The following SLC45A4 variants were observed in gnomAD, a reference collection of about 807,000 sequenced individuals.
SLC45A4 encodes the protein solute carrier family 45 member 4.
In SLC45A4, 32 loss-of-function variants were observed where a neutral mutation model predicts 63.7. The ratio of observed to expected loss-of-function variants is 0.50; its 90% CI spans 0.38 to 0.67. SLC45A4 has a LOEUF of 0.67. Ranked by LOEUF, SLC45A4 falls within the 30% of genes least tolerant of loss-of-function variation. The pLI is 0.00. For missense variants in SLC45A4, 1,027 were observed against 1,157.7 expected, an observed-to-expected ratio of 0.89 and a Z score of 1.64; for synonymous variants, 535 against 510.0, an observed-to-expected ratio of 1.05 and a Z score of -0.66.
At chr8:141,270,244 A>G (rs1228027667) in intron 1 of SLC45A4, among the ~76,000 whole-genome samples, 1 of 151,990 alleles carries the variant, frequency 6.6e-6, no homozygotes, top group African/African-American at 2.4e-5. Context: ...CAATAAAGAA[A>G]ACCAGGGGGC....
At chr8:141,249,506 G>T (rs73364495) in intron 2 of SLC45A4, among the ~76,000 whole-genome samples, 9,357 of 152,198 alleles carry the variant, frequency 0.061, 972 homozygotes, top group African/African-American at 0.21. Flanking sequence ...ATCAATTCCC[G>T]AACAGGCAGC....
At chr8:141,285,659 C>T (rs576589567) in intron 1 of SLC45A4, among the ~76,000 whole-genome samples, 12 of 152,334 alleles carry the variant, frequency 7.9e-5, no homozygotes, top group Admixed American at 6.5e-4. Context: ...GTTAGGGAAG[C>T]GCCGCCCTGG....
chr8:141,239,493 T>G (rs900030400), intron 2 of SLC45A4, among the ~76,000 whole-genome samples: 2 of 151,976 alleles, frequency 1.3e-5, no homozygotes, highest in African/African-American at 4.8e-5. Context: ...GTTAGATACA[T>G]CCTGCAGAAG....
chr8:141,270,082 G>T (rs893391056), intron 1 of SLC45A4, among the ~76,000 whole-genome samples: 14 of 152,186 alleles, frequency 9.2e-5, no homozygotes, highest in Non-Finnish European at 1.0e-4. Context: ...TGCAGACCTT[G>T]CCTCCTGCCC....
At chr8:141,264,104 G>A (rs1829160889) in intron 1 of SLC45A4, among the ~76,000 whole-genome samples, 1 of 152,168 alleles carries the variant, frequency 6.6e-6, no homozygotes, top group African/African-American at 2.4e-5. Flanking sequence ...GTTTAAGAAC[G>A]CAAGAGCATG....
intron 2 of SLC45A4, among the ~76,000 whole-genome samples, chr8:141,222,682 T>C (rs921137293): frequency 6.6e-6 from 1 of 152,188 alleles, no homozygotes. Context: ...GCGGCCGCCT[T>C]GTGCAGCCGT....
chr8:141,231,280 G>C (rs550339407), intron 2 of SLC45A4, among the ~76,000 whole-genome samples: 3 of 152,188 alleles, frequency 2.0e-5, no homozygotes, highest in Non-Finnish European at 4.4e-5. Context: ...GTGGCCCCTC[G>C]CGCCAGAGGC....
At chr8:141,228,142 G>C in intron 2 of SLC45A4, 1 of 1,613,326 alleles carries the variant, frequency 6.2e-7, no homozygotes, top group Non-Finnish European at 8.5e-7. Context: ...GGAGTGATCT[G>C]GGTGGAGGCA....
chr8:141,250,481 G>C (rs983941497), intron 2 of SLC45A4, among the ~76,000 whole-genome samples: 1 of 151,606 alleles, frequency 6.6e-6, no homozygotes, highest in African/African-American at 2.4e-5. Context: ...CATCTCCCAG[G>C]CGCAAGCAAT....
At chr8:141,262,872 C>T (rs1427256420) in intron 1 of SLC45A4, among the ~76,000 whole-genome samples, 1 of 150,018 alleles carries the variant, frequency 6.7e-6, no homozygotes, top group African/African-American at 2.5e-5. Context: ...GGGTATATAC[C>T]CAAAGGACTA....
chr8:141,296,870 A>AC (rs1252347751), intron 1 of SLC45A4, among the ~76,000 whole-genome samples: 4 of 149,510 alleles, frequency 2.7e-5, no homozygotes, highest in Non-Finnish European at 4.4e-5. Flanking sequence ...GGAGGGAAAG[A>AC]CCCTCACGCC....
chr8:141,211,366 T>A lies in SLC45A4; in HGVS notation c.*206A>T. On this transcript the variant is annotated 3_prime_UTR_variant, in exon 9 of 9. Transcript: ENST00000517878. ...ACTCACACGCGCACGCAGGAGCTCG[T>A]CTGGAGCTCACGCTCCGCCCCCAGG... The A allele has an allele frequency of 6.9e-7, 1 of 1,457,352 alleles. No homozygotes were observed. The highest frequency in any genetic ancestry group is 1.4e-5 in the African/African-American group (1 of 70,368). 90.3% of individuals were successfully genotyped at this position (1,457,352 alleles called of 1,614,324 possible). A position where few individuals can be genotyped will look rare whatever the true frequency, so the allele number is the denominator to read the frequency against.
chr8:141,244,884 C>A (rs931001897), intron 2 of SLC45A4, among the ~76,000 whole-genome samples: 6 of 148,314 alleles, frequency 4.0e-5, no homozygotes, highest in African/African-American at 1.5e-4. Context: ...GAGACAGGGC[C>A]AGCACCAGGG....
intron 2 of SLC45A4, among the ~76,000 whole-genome samples, chr8:141,244,100 C>T (rs991931588): frequency 2.0e-5 from 3 of 152,158 alleles, no homozygotes; most frequent in Admixed American, 2.0e-4. Context: ...ATCAACTCGG[C>T]TACTTGGGAG....
At chr8:141,306,945 A>G (rs1462004045) in intron 1 of SLC45A4, among the ~76,000 whole-genome samples, 1 of 152,224 alleles carries the variant, frequency 6.6e-6, no homozygotes, top group East Asian at 1.9e-4. Flanking sequence ...AGTAATAAAA[A>G]CGACAAGCCC....
intron 1 of SLC45A4, among the ~76,000 whole-genome samples, chr8:141,286,372 G>A (rs1830145840): frequency 6.6e-6 from 1 of 152,122 alleles, no homozygotes; most frequent in Non-Finnish European, 1.5e-5. Flanking sequence ...TCCGAGAGGT[G>A]GCCTCACATG....
intron 1 of SLC45A4, among the ~76,000 whole-genome samples, chr8:141,305,910 T>G (rs1017349504): frequency 2.0e-5 from 3 of 152,146 alleles, no homozygotes; most frequent in Non-Finnish European, 4.4e-5. Flanking sequence ...GAGCTGCCGC[T>G]GCCGCAGCCC....
chr8:141,269,057 C>A (rs1324467713), intron 1 of SLC45A4, among the ~76,000 whole-genome samples: 1 of 152,236 alleles, frequency 6.6e-6, no homozygotes, highest in Non-Finnish European at 1.5e-5. Context: ...CCCAGACCCA[C>A]TGGATCAGAG....
intron 2 of SLC45A4, among the ~76,000 whole-genome samples, chr8:141,249,064 A>G (rs1479668804): frequency 6.6e-6 from 1 of 151,878 alleles, no homozygotes; most frequent in Non-Finnish European, 1.5e-5. Context: ...CTGCAATGAG[A>G]TATGGTTCAC....
Sources: gnomAD v4.1 joint callset for allele counts (sites outside exome capture counted in the v4.1 genomes callset) on GRCh38, gnomAD v4.1.1 for gene constraint, MANE v1.5 for transcripts, NCBI Gene and HGNC (gene_info 2026-07-23, HGNC 2026-07-21) for gene names.